Variants in FRMPD4 observed in about 807,000 individuals in gnomAD.
The protein encoded by FRMPD4 is FERM and PDZ domain containing 4, also known as FERM and PDZ domain-containing protein 4.
Under a neutral mutation model 94.1 loss-of-function variants are expected in FRMPD4, and 22 were observed. The ratio of observed to expected loss-of-function variants is 0.23; its 90% CI spans 0.17 to 0.33. FRMPD4 has a LOEUF of 0.33. Among genes scored for constraint, FRMPD4 ranks in the 10% least tolerant of loss-of-function variants. The pLI is 1.00. For synonymous variants in FRMPD4, 631 were observed against 548.6 expected, an observed-to-expected ratio of 1.15 and a Z score of -2.10; for missense variants, 1,111 against 1,339.9, an observed-to-expected ratio of 0.83 and a Z score of 2.67.
chrX:12,449,349 ATTG>A (rs1394508834), intron 1 of FRMPD4, among the ~76,000 whole-genome samples: 2 of 112,191 alleles, frequency 1.8e-5, no homozygotes, highest in Non-Finnish European at 3.8e-5. Flanking sequence ...ATATCTCAAT[ATTG>A]TTGTCAGTAT....
intron 2 of FRMPD4, among the ~76,000 whole-genome samples, chrX:12,522,618 T>C (rs764288888): frequency 6.4e-5 from 6 of 93,602 alleles, no homozygotes; most frequent in Non-Finnish European, 1.3e-4. Flanking sequence ...TTTTTTTTCT[T>C]TTGAGACAGA....
intron 4 of FRMPD4, among the ~76,000 whole-genome samples, chrX:12,666,030 A>G (rs879174625): frequency 9.1e-6 from 1 of 110,239 alleles, no homozygotes; most frequent in Non-Finnish European, 1.9e-5. Flanking sequence ...CAGGAGACCC[A>G]TCTCATGTGC....
At chrX:12,498,235 T>A (rs1408417734) in intron 1 of FRMPD4, among the ~76,000 whole-genome samples, 1 of 111,692 alleles carries the variant, frequency 9.0e-6, no homozygotes, top group Non-Finnish European at 1.9e-5. Flanking sequence ...ATAGCATCAT[T>A]TACTTCCTTC....
chrX:11,861,797 T>C (rs1157623514), intron 1 of FRMPD4, among the ~76,000 whole-genome samples: 1 of 111,411 alleles, frequency 9.0e-6, no homozygotes, highest in African/African-American at 3.3e-5. Flanking sequence ...AGTTCAACCT[T>C]AGTGTTTGTA....
intron 1 of FRMPD4, among the ~76,000 whole-genome samples, chrX:12,351,176 A>AG: frequency 9.1e-6 from 1 of 109,679 alleles, no homozygotes; most frequent in South Asian, 4.0e-4. Flanking sequence ...ACCTCACAAA[A>AG]AAAAAAAAAA....
exon 2 of FRMPD4, among the ~76,000 whole-genome samples, chrX:11,865,103 C>A (rs771683989): frequency 1.8e-5 from 2 of 111,249 alleles, no homozygotes; most frequent in South Asian, 3.7e-4. Flanking sequence ...AAAAAGAGAC[C>A]AAGTGAAAAA....
At chrX:11,954,116 A>G (rs1457907149) in intron 3 of FRMPD4, among the ~76,000 whole-genome samples, 2 of 112,567 alleles carry the variant, frequency 1.8e-5, no homozygotes, top group Admixed American at 1.9e-4. Context: ...CTTTAATTAC[A>G]AAACACATTT....
chrX:12,567,311 G>C (rs2058723399), intron 2 of FRMPD4, among the ~76,000 whole-genome samples: 1 of 112,080 alleles, frequency 8.9e-6, no homozygotes, highest in Non-Finnish European at 1.9e-5. Context: ...TTTAAGATAA[G>C]AGTTTTATTT....
intron 3 of FRMPD4, among the ~76,000 whole-genome samples, chrX:12,060,267 G>GTTTT (rs368187952): frequency 3.2e-5 from 3 of 93,051 alleles, no homozygotes; most frequent in African/African-American, 1.2e-4. Flanking sequence ...CTAGGAACTG[G>GTTTT]TTTTTTTTTT....
intron 1 of FRMPD4, among the ~76,000 whole-genome samples, chrX:12,220,038 G>A (rs2056846937): frequency 8.9e-6 from 1 of 111,814 alleles, no homozygotes; most frequent in Non-Finnish European, 1.9e-5. Flanking sequence ...CTACTCGGGA[G>A]GCTGAGGCAG....
intron 4 of FRMPD4, among the ~76,000 whole-genome samples, chrX:12,662,964 T>C (rs2059733029): frequency 9.1e-6 from 1 of 109,856 alleles, no homozygotes; most frequent in Non-Finnish European, 1.9e-5. Flanking sequence ...GATGATAAAC[T>C]TTTTTTCATA....
chrX:12,097,269 C>G (rs1323994991), intron 3 of FRMPD4, among the ~76,000 whole-genome samples: 11 of 111,772 alleles, frequency 9.8e-5, no homozygotes, highest in Admixed American at 9.5e-4. Context: ...TCTCATTGTT[C>G]AGCTCTGCAT....
intron 3 of FRMPD4, among the ~76,000 whole-genome samples, chrX:12,033,482 C>A (rs769285782): frequency 1.8e-5 from 2 of 111,059 alleles, no homozygotes; most frequent in African/African-American, 6.5e-5. Flanking sequence ...AAAGTAATTG[C>A]AGATGAAGTC....
At chrX:12,132,228 G>A (rs2055558478) in intron 3 of FRMPD4, among the ~76,000 whole-genome samples, 1 of 91,978 alleles carries the variant, frequency 1.1e-5, no homozygotes, top group Non-Finnish European at 2.1e-5. Flanking sequence ...TTTCAGGTGA[G>A]GTTTAGGAGG....
intron 1 of FRMPD4, among the ~76,000 whole-genome samples, chrX:12,327,605 A>C (rs763927585): frequency 1.8e-5 from 2 of 111,736 alleles, no homozygotes; most frequent in Non-Finnish European, 3.8e-5. Context: ...TTTATTTTCC[A>C]TTTGGTTATT....
intron 1 of FRMPD4, among the ~76,000 whole-genome samples, chrX:12,414,083 AT>A (rs1421288127): frequency 2.7e-5 from 3 of 112,760 alleles, no homozygotes; most frequent in Non-Finnish European, 5.6e-5. Flanking sequence ...TCTTGGCTAA[AT>A]GAAAGGAATT....
chrX:11,837,076 T>G (rs1217058484), intron 1 of FRMPD4, among the ~76,000 whole-genome samples: 2 of 111,838 alleles, frequency 1.8e-5, no homozygotes, highest in African/African-American at 6.5e-5. Context: ...TAAAAAGATA[T>G]GAGCCCCAAA....
intron 1 of FRMPD4, among the ~76,000 whole-genome samples, chrX:12,394,152 G>T (rs1292356863): frequency 3.6e-5 from 4 of 111,848 alleles, no homozygotes; most frequent in Non-Finnish European, 7.5e-5. Flanking sequence ...ATATGGAAAT[G>T]TCATGACTTA....
At chrX:12,630,954 G>A (rs1235518994) in intron 4 of FRMPD4, among the ~76,000 whole-genome samples, 3 of 111,713 alleles carry the variant, frequency 2.7e-5, no homozygotes, top group African/African-American at 9.8e-5. Flanking sequence ...AGGGTAATCC[G>A]GAGAAACAGC....
Sources: gnomAD v4.1 joint callset for allele counts (sites outside exome capture counted in the v4.1 genomes callset) on GRCh38, gnomAD v4.1.1 for gene constraint, MANE v1.5 for transcripts, NCBI Gene and HGNC (gene_info 2026-07-23, HGNC 2026-07-21) for gene names.